SLC9A8: variants seen among roughly 807,000 people sequenced by gnomAD.
The protein encoded by SLC9A8 is sodium/hydrogen exchanger 8.
Under a neutral mutation model 66.6 loss-of-function variants are expected in SLC9A8, and 48 were observed. The ratio of observed to expected loss-of-function variants is 0.72; its 90% CI spans 0.57 to 0.92. The LOEUF is 0.92. Ranked by LOEUF, SLC9A8 falls within the 40% of genes least tolerant of loss-of-function variation. The pLI, the probability that SLC9A8 is intolerant of heterozygous loss-of-function variation, is 0.00. For synonymous variants in SLC9A8, 274 were observed against 282.6 expected, an observed-to-expected ratio of 0.97 and a Z score of 0.31; for missense variants, 599 against 747.3, an observed-to-expected ratio of 0.80 and a Z score of 2.31.
rs774529183 is a variant in SLC9A8 at position 49,815,070 on chromosome 20, C to A, written c.89C>A (p.Thr30Lys). 1 of 1,609,240 alleles carries A rather than the reference C, an allele frequency of 6.2e-7. No homozygotes were observed. The highest frequency in any genetic ancestry group is 1.7e-5 in the Admixed American group (1 of 59,188). Residue 30 changes from threonine (T) to lysine (K), a missense_variant, in exon 2 of 16, where the codon ACG becomes AAG. Around this residue, in one of 2 missense-constraint regions of SLC9A8, gnomAD observed 132 missense variants for 120.9 expected, o/e 1.09. Transcript: ENST00000361573. ...NVTLHTTLVVTTKLVLPTPGK... is the reference protein window; with the variant it reads ...NVTLHTTLVVKTKLVLPTPGK... ...ACCCTCCACACCACCCTGGTTGTCACGACGAAACTGGTGCTCCCGACCCCT... is the reference window on the plus strand; with the variant it reads ...ACCCTCCACACCACCCTGGTTGTCAAGACGAAACTGGTGCTCCCGACCCCT...
chr20:49,869,211 A>ACTTT lies in SLC9A8; in HGVS notation c.958+4388_958+4391dup, dbSNP rs544095855. ...TTTGCAAGATTAATCATGAGATAAC[A>ACTTT]CTTTCTTTCTTTCTTTCTTTCTTTT... On this transcript the variant is annotated intron_variant, in intron 10 of 15. Transcript: ENST00000361573. 4.3e-3 allele frequency among the ~76,000 whole-genome samples: 651 copies of ACTTT among 151,768 alleles called. 2 individuals are homozygous for ACTTT. Among genetic ancestry groups the ACTTT allele is most frequent in the African/African-American group, 0.011 (439 of 41,404 alleles).
rs2087429942 is a variant in SLC9A8 at position 49,834,425 on chromosome 20, T to C, written c.290-5116T>C. Among the ~76,000 whole-genome samples, 2 of 41,628 alleles carry C rather than the reference T, an allele frequency of 4.8e-5. 1 individual carries two copies. Among genetic ancestry groups the C allele is most frequent in the Non-Finnish European group, 9.3e-5 (2 of 21,592 alleles). The allele number at this position is 41,628 out of a possible 152,430, so 27.3% of individuals were successfully genotyped here. A position where few individuals can be genotyped will look rare whatever the true frequency, so the allele number is the denominator to read the frequency against. ...ACTGTGTATATATATATACTGTATA[T>C]ATATACTGTATATATATATATATAC... On this transcript the variant is annotated intron_variant, in intron 3 of 15. Coordinates refer to ENST00000361573, the MANE Select transcript of SLC9A8 (RefSeq NM_015266.3).
At chr20:49,851,800 A>G (rs758414435) in intron 7 of SLC9A8, among the ~76,000 whole-genome samples, 1 of 152,248 alleles carries the variant, frequency 6.6e-6, no homozygotes, top group Non-Finnish European at 1.5e-5. Flanking sequence ...AGAGCTGGAA[A>G]TAAAGCAGAA....
chr20:49,830,038 G>T, intron 3 of SLC9A8: 2 of 667,200 alleles, frequency 3.0e-6, no homozygotes, highest in East Asian at 7.1e-5. Flanking sequence ...CATTTAAATG[G>T]CAGCCGACCA....
At chr20:49,854,144 A>G (rs1285537045) in intron 7 of SLC9A8, among the ~76,000 whole-genome samples, 1 of 152,100 alleles carries the variant, frequency 6.6e-6, no homozygotes, top group African/African-American at 2.4e-5. Flanking sequence ...CAGACCCACC[A>G]TTCTGCTGCC....
In SLC9A8 at chr20:49,874,788, C is replaced by T; in HGVS notation, c.1042C>T (p.Gln348Ter). Residue 348 changes from glutamine (Q) to a stop codon, truncating the protein, a stop_gained, in exon 11 of 16, where the codon CAG becomes TAG. Transcript: ENST00000361573. LOFTEE classifies it high-confidence loss of function. ...CTCCCCAGTCACCCAGATCCTCATGCAGCAGACCCTCCGCACCGTGGCCTT... is the reference window on the plus strand; with the variant it reads ...CTCCCCAGTCACCCAGATCCTCATGTAGCAGACCCTCCGCACCGTGGCCTT... ...NLSPVTQILM[Q>*]QTLRTVAFLC... 1.2e-6 allele frequency: 2 copies of T among 1,613,746 alleles called. No individual in the cohort carries two copies. Among genetic ancestry groups the T allele is most frequent in the Non-Finnish European group, 1.7e-6 (2 of 1,179,624 alleles).
intron 3 of SLC9A8, among the ~76,000 whole-genome samples, chr20:49,836,292 C>T (rs962649199): frequency 5.3e-4 from 81 of 152,172 alleles, no homozygotes; most frequent in African/African-American, 1.9e-3. Flanking sequence ...ATGGATATAC[C>T]ACATTTTGTT....
intron 3 of SLC9A8, chr20:49,829,335 T>C (rs1600659479): frequency 6.4e-6 from 1 of 156,322 alleles, no homozygotes; most frequent in African/African-American, 2.4e-5. Flanking sequence ...CTGGCTAACA[T>C]GGTGAAATCC....
chr20:49,848,281 T>C (rs1021794408), intron 5 of SLC9A8, among the ~76,000 whole-genome samples: 1 of 152,294 alleles, frequency 6.6e-6, no homozygotes, highest in South Asian at 2.1e-4. Context: ...ACTCATAGAT[T>C]GAAAGCCCTT....
chr20:49,884,259 GACACACACACACACGAC>G (rs2089772529), intron 14 of SLC9A8, 193 bp downstream of exon 14: 2 of 130,242 alleles, frequency 1.5e-5, no homozygotes, highest in Non-Finnish European at 2.9e-5. Context: ...ACACACACAC[GACACACACACACACGAC>G]ACACACACAC....
At chr20:49,882,852 A>G (rs2089681780) in intron 13 of SLC9A8, among the ~76,000 whole-genome samples, 1 of 152,032 alleles carries the variant, frequency 6.6e-6, no homozygotes, top group Non-Finnish European at 1.5e-5. Flanking sequence ...TGTCCTCACC[A>G]TGTCTCTGTA....
chr20:49,830,428 A>G, intron 3 of SLC9A8: 5 of 833,648 alleles, frequency 6.0e-6, no homozygotes, highest in Middle Eastern at 2.4e-4. Context: ...TTGGATCCCA[A>G]GGCGGCCAAG....
chr20:49,850,938 C>T, intron 7 of SLC9A8, 94 bp downstream of exon 7: 1 of 808,356 alleles, frequency 1.2e-6, no homozygotes, highest in Non-Finnish European at 1.9e-6. Flanking sequence ...CTGTTCTATT[C>T]TCTCTCTGTG....
chr20:49,867,612 AC>A (rs1241581160), intron 10 of SLC9A8, among the ~76,000 whole-genome samples: 2 of 152,084 alleles, frequency 1.3e-5, no homozygotes, highest in African/African-American at 4.8e-5. Context: ...AGCTTCCCCG[AC>A]TCAACAGGAC....
rs1374222220 is a variant in SLC9A8, at chr20:49,860,084, G to C, written c.714-2845G>C. Among the ~76,000 whole-genome samples, 3 of 152,252 alleles carry C rather than the reference G, an allele frequency of 2.0e-5. No homozygotes were observed. The South Asian group carries it at 6.2e-4, about 32-fold the overall frequency. On this transcript the variant is annotated intron_variant, in intron 8 of 15. Coordinates refer to ENST00000361573, the MANE Select transcript of SLC9A8 (RefSeq NM_015266.3). ...TGGGTACCTGCTGTGGTAGTGATGT[G>C]GGCTGAGGCTGGGCACTGTATGTGT...
rs775414522 is a variant in SLC9A8 at position 49,822,968 on chromosome 20, C to A, written c.209-93C>A. 4.1e-6 allele frequency: 4 copies of A among 971,568 alleles called. No homozygotes were observed. In the Admixed American group the frequency reaches 7.5e-5, roughly 18 times the overall value. The allele number at this position is 971,568 out of a possible 1,614,324, so 60.2% of individuals were successfully genotyped here. ...TTCCAATTGTCCATTTCTGTGAGGA[C>A]CCCCCCAGAAATAACCACTGACTTG... is the stretch of plus-strand genomic sequence containing the variant. On this transcript the variant is annotated intron_variant, in intron 2 of 15. Coordinates refer to ENST00000361573, the MANE Select transcript of SLC9A8 (RefSeq NM_015266.3).
At chr20:49,864,613 C>T in intron 9 of SLC9A8, 126 bp from the exon 10 acceptor site, 1 of 667,574 alleles carries the variant, frequency 1.5e-6, no homozygotes, top group Non-Finnish European at 2.7e-6. Context: ...CATTTGTAAC[C>T]TTGGGACATT....
chr20:49,843,839 G>A (rs2087866058), intron 4 of SLC9A8, among the ~76,000 whole-genome samples: 1 of 152,150 alleles, frequency 6.6e-6, no homozygotes, highest in South Asian at 2.1e-4. Flanking sequence ...TGGGTCATGG[G>A]GGTGGACCCT....
At chr20:49,881,145 C>A in intron 13 of SLC9A8, 110 bp downstream of exon 13, 2 of 741,542 alleles carry the variant, frequency 2.7e-6, no homozygotes, top group South Asian at 1.5e-5. Flanking sequence ...CACAAGTAAT[C>A]AATACTCCCG....
Sources: allele counts gnomAD v4.1 joint callset (sites outside exome capture counted in the v4.1 genomes callset), GRCh38; gene constraint gnomAD v4.1.1; regional missense constraint gnomAD v4.1.1; transcripts MANE v1.5; gene names NCBI Gene and HGNC (gene_info 2026-07-23, HGNC 2026-07-21).